Variants in XRCC4 observed in about 807,000 individuals in gnomAD.
The protein encoded by XRCC4 is X-ray repair cross complementing 4.
Under a neutral mutation model 39.1 loss-of-function variants are expected in XRCC4, and 28 were observed. That is an observed-to-expected ratio of 0.72 (90% CI 0.53 to 0.98). The LOEUF (loss-of-function observed/expected upper bound fraction) is 0.98. Among genes scored for constraint, XRCC4 ranks in the 50% least tolerant of loss-of-function variants. XRCC4 has a pLI of 0.00. For synonymous variants in XRCC4, 123 were observed against 126.4 expected (o/e 0.97, Z 0.18); for missense variants, 350 against 376.4 (o/e 0.93, Z 0.58).
chr5:83,127,039 A>G (rs1296099808), intron 3 of XRCC4, among the ~76,000 whole-genome samples: 1 of 152,124 alleles, frequency 6.6e-6, no homozygotes, highest in East Asian at 1.9e-4. Context: ...AATTTGCTTA[A>G]GGATTAATTG....
rs1264365566 is a variant in XRCC4 at position 83,106,846 on chromosome 5, A to C, written c.139+1788A>C. On this transcript the variant is annotated intron_variant, in intron 2 of 7. Transcript: ENST00000396027. ...ATACTTTTTTGATTGAAAGAATGAA[A>C]GGATGTCTCAAATATATAAAACTGG... 3.3e-5 allele frequency among the ~76,000 whole-genome samples: 5 copies of C among 152,038 alleles called. No homozygotes were observed. The East Asian group carries it at 9.6e-4, about 29-fold the overall frequency.
intron 3 of XRCC4, among the ~76,000 whole-genome samples, chr5:83,185,663 A>G (rs903883356): frequency 2.0e-5 from 3 of 151,960 alleles, no homozygotes; most frequent in African/African-American, 7.2e-5. Context: ...AATAATTAAA[A>G]CAGCATGTTA....
intron 7 of XRCC4, chr5:83,280,378 C>G (rs1369374830): frequency 2.6e-5 from 14 of 537,668 alleles, no homozygotes; most frequent in Admixed American, 1.8e-4. Context: ...TCTTGAATGT[C>G]TTAAAATTCT....
chr5:83,332,616 T>C (rs1448185007), intron 7 of XRCC4, among the ~76,000 whole-genome samples: 1 of 152,212 alleles, frequency 6.6e-6, no homozygotes, highest in Non-Finnish European at 1.5e-5. Context: ...GTACATGGAC[T>C]TGCTTCTTAT....
intron 7 of XRCC4, among the ~76,000 whole-genome samples, chr5:83,347,254 G>A (rs554919724): frequency 9.2e-5 from 14 of 152,312 alleles, no homozygotes; most frequent in East Asian, 7.7e-4. Context: ...GGCTGTGAAT[G>A]TACAAGTAAT....
At chr5:83,078,289 C>G (rs1355175983) in intron 1 of XRCC4, among the ~76,000 whole-genome samples, 1 of 152,178 alleles carries the variant, frequency 6.6e-6, no homozygotes, top group Non-Finnish European at 1.5e-5. Flanking sequence ...GAGAAACAGG[C>G]GCTTTGACAT....
At chr5:83,183,802 A>G (rs1407069192) in intron 3 of XRCC4, among the ~76,000 whole-genome samples, 3 of 152,150 alleles carry the variant, frequency 2.0e-5, no homozygotes, top group African/African-American at 7.2e-5. Context: ...ACCGTCTATC[A>G]TACTCCCTAG....
intron 2 of XRCC4, among the ~76,000 whole-genome samples, chr5:83,108,514 G>T (rs1019737259): frequency 6.6e-6 from 1 of 151,722 alleles, no homozygotes; most frequent in East Asian, 1.9e-4. Flanking sequence ...CTAAAATGTT[G>T]TCTAAGATAT....
chr5:83,103,009 G>GATAT (rs56183616), intron 1 of XRCC4, among the ~76,000 whole-genome samples: 37,406 of 106,330 alleles, frequency 0.35, 6,984 homozygotes, highest in Middle Eastern at 0.44. Context: ...AGATAGAGCT[G>GATAT]ATATATATAT....
At chr5:83,173,125 T>C (rs771920273) in intron 3 of XRCC4, among the ~76,000 whole-genome samples, 24 of 152,154 alleles carry the variant, frequency 1.6e-4, no homozygotes, top group Non-Finnish European at 1.0e-4. Flanking sequence ...ATCTTTCTCT[T>C]GCATTACCTA....
chr5:83,219,280 C>T (rs370286699), intron 6 of XRCC4, among the ~76,000 whole-genome samples: 3 of 152,172 alleles, frequency 2.0e-5, no homozygotes, highest in African/African-American at 7.2e-5. Flanking sequence ...GGAGTTCAGA[C>T]TGCAAAATAT....
At chr5:83,141,401 G>A (rs1001360253) in intron 3 of XRCC4, among the ~76,000 whole-genome samples, 9 of 152,122 alleles carry the variant, frequency 5.9e-5, no homozygotes, top group African/African-American at 2.2e-4. Context: ...AGAAAAGGTG[G>A]ACCAGTTTGA....
At chr5:83,232,601 G>A (rs1752538168) in intron 6 of XRCC4, among the ~76,000 whole-genome samples, 1 of 152,026 alleles carries the variant, frequency 6.6e-6, no homozygotes. Context: ...TTTAGTTTGT[G>A]ATGAAGAACT....
chr5:83,077,576 C>G lies in XRCC4; in HGVS notation c.-50C>G. 1 of 521,762 alleles carries G rather than the reference C, an allele frequency of 1.9e-6. No homozygotes were observed. Among genetic ancestry groups the G allele is most frequent in the South Asian group, 2.5e-5 (1 of 39,448 alleles). The allele number at this position is 521,762 out of a possible 1,614,324, so 32.3% of individuals were successfully genotyped here. Reference sequence around the variant, plus strand: ...GTTGCAAAACCTTGATCTGTGAAAGCGGGCGTTTTGGAAGATACCGGAAGT... The same window carrying G: ...GTTGCAAAACCTTGATCTGTGAAAGGGGGCGTTTTGGAAGATACCGGAAGT... On this transcript the variant is annotated 5_prime_UTR_variant, in exon 1 of 8. Transcript: ENST00000396027.
intron 6 of XRCC4, among the ~76,000 whole-genome samples, chr5:83,221,696 G>A (rs1752088688): frequency 1.3e-5 from 2 of 151,768 alleles, no homozygotes; most frequent in African/African-American, 4.8e-5. Flanking sequence ...GGAGAACAGT[G>A]ATTTATGCTC....
intron 3 of XRCC4, among the ~76,000 whole-genome samples, chr5:83,166,733 T>C (rs900039245): frequency 2.6e-5 from 4 of 151,934 alleles, no homozygotes; most frequent in African/African-American, 9.7e-5. Flanking sequence ...TGCCTCGGCC[T>C]GCCAAAGAGT....
intron 6 of XRCC4, among the ~76,000 whole-genome samples, chr5:83,214,238 T>C (rs1041422741): frequency 1.3e-5 from 2 of 152,092 alleles, no homozygotes; most frequent in Non-Finnish European, 2.9e-5. Flanking sequence ...ATAAAAGGTA[T>C]TCAGATTGGA....
intron 2 of XRCC4, among the ~76,000 whole-genome samples, chr5:83,110,049 G>A (rs28383149): frequency 6.0e-4 from 91 of 152,038 alleles, no homozygotes; most frequent in African/African-American, 2.2e-3. Flanking sequence ...AAAAATCGAG[G>A]TGAGAAATTA....
At chr5:83,233,265 C>T (rs1402684175) in intron 6 of XRCC4, among the ~76,000 whole-genome samples, 2 of 152,124 alleles carry the variant, frequency 1.3e-5, no homozygotes, top group Admixed American at 1.3e-4. Flanking sequence ...ATTTCTCCAG[C>T]TTTGACTTGG....
Sources: gnomAD v4.1 joint callset for allele counts (sites outside exome capture counted in the v4.1 genomes callset) on GRCh38, gnomAD v4.1.1 for gene constraint, MANE v1.5 for transcripts, NCBI Gene and HGNC (gene_info 2026-07-23, HGNC 2026-07-21) for gene names.